DSCAM: variants seen among roughly 807,000 people sequenced by gnomAD.
The protein encoded by DSCAM is DS cell adhesion molecule.
DSCAM carries 47 observed loss-of-function variants against 217.7 expected under a neutral mutation model. That is an observed-to-expected ratio of 0.22 (90% confidence interval 0.17 to 0.28). The LOEUF (loss-of-function observed/expected upper bound fraction) is 0.28. Ranked by LOEUF, DSCAM falls within the 10% of genes least tolerant of loss-of-function variation. The pLI, the probability that DSCAM is intolerant of heterozygous loss-of-function variation, is 1.00. For missense variants in DSCAM, 2,080 were observed against 2,618.3 expected (o/e 0.79, Z 4.49); for synonymous variants, 1,056 against 1,015.3 (o/e 1.04, Z -0.76).
chr21:40,356,725 G>A (rs76933415), intron 4 of DSCAM, among the ~76,000 whole-genome samples: 3,184 of 152,258 alleles, frequency 0.021, 110 homozygotes, highest in African/African-American at 0.072. Flanking sequence ...CTGGTCCCTT[G>A]TGAAACTGAA....
intron 3 of DSCAM, among the ~76,000 whole-genome samples, chr21:40,423,768 C>T (rs1297333002): frequency 6.6e-6 from 1 of 152,128 alleles, no homozygotes; most frequent in East Asian, 1.9e-4. Context: ...AGATACCATC[C>T]ACCAGTAACA....
chr21:40,484,932 T>G (rs921666069), intron 3 of DSCAM, among the ~76,000 whole-genome samples: 3 of 152,220 alleles, frequency 2.0e-5, no homozygotes, highest in Non-Finnish European at 4.4e-5. Flanking sequence ...TGTAGCTTCC[T>G]GCTCTGTCAT....
At chr21:40,750,583 T>A (rs2091217935) in intron 1 of DSCAM, among the ~76,000 whole-genome samples, 1 of 152,138 alleles carries the variant, frequency 6.6e-6, no homozygotes, top group Non-Finnish European at 1.5e-5. Flanking sequence ...AGCAACAAAA[T>A]TTCCATGTCT....
Position 40,087,843 on chromosome 21 carries a change from G to C in DSCAM, c.3851-556C>G, listed in dbSNP as rs144498743. Among the ~76,000 whole-genome samples the C allele has an allele frequency of 1.1e-4, 16 of 152,318 alleles. No homozygotes were observed. The East Asian group carries it at 3.1e-3, about 29-fold the overall frequency. On this transcript the variant is annotated intron_variant, in intron 21 of 32. Transcript: ENST00000400454. The stretch of plus-strand genomic sequence containing the variant: ...GAAGAACAACCATTTGCTTGGAACA[G>C]TGATTCAGATGCCCAAACAGGAGCA...
At chr21:40,269,565 G>T (rs992609401) in intron 11 of DSCAM, among the ~76,000 whole-genome samples, 1 of 152,184 alleles carries the variant, frequency 6.6e-6, no homozygotes, top group Non-Finnish European at 1.5e-5. Context: ...CACAAACTGG[G>T]GTGCTTAAAC....
intron 2 of DSCAM, among the ~76,000 whole-genome samples, chr21:40,707,602 C>G (rs1290505665): frequency 6.6e-6 from 1 of 152,140 alleles, no homozygotes; most frequent in East Asian, 1.9e-4. Flanking sequence ...GCAAAGCTCC[C>G]CCAGCTACCT....
chr21:40,265,443 T>C (rs575639870), intron 11 of DSCAM, among the ~76,000 whole-genome samples: 1 of 151,660 alleles, frequency 6.6e-6, no homozygotes, highest in Admixed American at 6.6e-5. Flanking sequence ...ACAGATTCAA[T>C]GCAATTCCTA....
At chr21:40,555,449 C>T (rs541835634) in intron 3 of DSCAM, among the ~76,000 whole-genome samples, 1 of 152,254 alleles carries the variant, frequency 6.6e-6, no homozygotes, top group South Asian at 2.1e-4. Context: ...CTTCTGAAAC[C>T]TTCTAAATAT....
intron 3 of DSCAM, among the ~76,000 whole-genome samples, chr21:40,611,738 T>C (rs1057061912): frequency 2.6e-5 from 4 of 152,234 alleles, no homozygotes; most frequent in African/African-American, 7.2e-5. Context: ...CTAGGTGCTA[T>C]GCAAATAGCT....
intron 3 of DSCAM, among the ~76,000 whole-genome samples, chr21:40,450,828 C>T (rs913855612): frequency 2.0e-5 from 3 of 152,262 alleles, no homozygotes; most frequent in South Asian, 2.1e-4. Flanking sequence ...TACTAAGGAA[C>T]GCATATGTAA....
At chr21:40,516,420 G>A (rs894624981) in intron 3 of DSCAM, among the ~76,000 whole-genome samples, 13 of 152,084 alleles carry the variant, frequency 8.5e-5, no homozygotes, top group Non-Finnish European at 1.5e-4. Context: ...CCAAAACACT[G>A]GCAGTTCCTG....
chr21:40,834,813 C>T (rs1433420447), intron 1 of DSCAM, among the ~76,000 whole-genome samples: 5 of 152,188 alleles, frequency 3.3e-5, no homozygotes, highest in African/African-American at 1.2e-4. Context: ...AGCTTTCTCC[C>T]TCCACTCTCA....
chr21:40,785,189 C>T (rs1018041872), intron 1 of DSCAM, among the ~76,000 whole-genome samples: 2 of 152,192 alleles, frequency 1.3e-5, no homozygotes, highest in Non-Finnish European at 2.9e-5. Flanking sequence ...AAGCTATGAA[C>T]CTGCACCACA....
chr21:40,344,197 C>A (rs1332905227), intron 6 of DSCAM, among the ~76,000 whole-genome samples: 1 of 152,014 alleles, frequency 6.6e-6, no homozygotes, highest in Admixed American at 6.6e-5. Context: ...CAGCACATGG[C>A]CAAGTGTGGT....
intron 3 of DSCAM, among the ~76,000 whole-genome samples, chr21:40,376,734 A>G (rs1446636887): frequency 6.8e-6 from 1 of 147,310 alleles, no homozygotes; most frequent in African/African-American, 2.5e-5. Flanking sequence ...TATATATGAT[A>G]TATATAAAGG....
intron 3 of DSCAM, among the ~76,000 whole-genome samples, chr21:40,544,321 T>C (rs1413345918): frequency 6.6e-6 from 1 of 152,120 alleles, no homozygotes; most frequent in Non-Finnish European, 1.5e-5. Context: ...CTGTACTAAG[T>C]TGAGCGGTGT....
chr21:40,157,449 G>C (rs531002612), intron 16 of DSCAM, among the ~76,000 whole-genome samples: 1 of 152,342 alleles, frequency 6.6e-6, no homozygotes, highest in East Asian at 1.9e-4. Context: ...TACTAAGAAA[G>C]GAGCATTGGA....
At chr21:40,544,274 A>C (rs2076564093) in intron 3 of DSCAM, among the ~76,000 whole-genome samples, 1 of 152,230 alleles carries the variant, frequency 6.6e-6, no homozygotes, top group Non-Finnish European at 1.5e-5. Flanking sequence ...ATCACTTGGA[A>C]GAGTCTGTCA....
chr21:40,206,409 G>A (rs1157257755), intron 11 of DSCAM, among the ~76,000 whole-genome samples: 1 of 152,094 alleles, frequency 6.6e-6, no homozygotes, highest in Admixed American at 6.5e-5. Context: ...CCGACCTGTG[G>A]AGCTGACTCA....
Sources: gnomAD v4.1 joint callset for allele counts (sites outside exome capture counted in the v4.1 genomes callset) on GRCh38, gnomAD v4.1.1 for gene constraint, MANE v1.5 for transcripts, NCBI Gene and HGNC (gene_info 2026-07-23, HGNC 2026-07-21) for gene names.